The following PSME3 variants were observed in gnomAD, a reference collection of about 807,000 sequenced individuals.
The protein encoded by PSME3 is proteasome activator subunit 3, also known as proteasome activator complex subunit 3.
Under a neutral mutation model 38.3 loss-of-function variants are expected in PSME3, and 7 were observed. The observed-to-expected ratio is 0.18, with a 90% confidence interval of 0.10 to 0.34. The LOEUF is 0.34. Among genes scored for constraint, PSME3 ranks in the 10% least tolerant of loss-of-function variants. The pLI, the probability that PSME3 is intolerant of heterozygous loss-of-function variation, is 1.00. For missense variants in PSME3, 192 were observed against 307.6 expected, an observed-to-expected ratio of 0.62 and a Z score of 2.81; for synonymous variants, 108 against 105.7, an observed-to-expected ratio of 1.02 and a Z score of -0.13.
At chr17:42,834,458 GA>G in intron 2 of PSME3, 56 bp from the exon 3 acceptor site, 1 of 1,608,906 alleles carries the variant, frequency 6.2e-7, no homozygotes, top group Non-Finnish European at 8.5e-7. Flanking sequence ...GAGAGAGAGA[GA>G]GAGAGAGAGA....
intron 1 of PSME3, chr17:42,833,886 G>C: frequency 6.8e-7 from 1 of 1,463,344 alleles, no homozygotes. Flanking sequence ...GAGAGTCCCG[G>C]GGACACCTCC....
Position 42,841,594 on chromosome 17 carries a change from C to A in PSME3, c.*16C>A. ...TCTGTACTGAGGCCAGGGCCAGGGC[C>A]AGGGGACTCTGTGAGTCTGGCTCAA... On this transcript the variant is annotated 3_prime_UTR_variant, in exon 11 of 11. Coordinates refer to ENST00000590720, the MANE Select transcript of PSME3 (RefSeq NM_005789.4). The A allele has an allele frequency of 6.4e-7, 1 of 1,564,882 alleles. No individual in the cohort carries two copies.
intron 10 of PSME3, 44 bp downstream of exon 10, chr17:42,839,424 T>C (rs763418288): frequency 6.8e-7 from 1 of 1,477,090 alleles, no homozygotes; most frequent in Non-Finnish European, 9.4e-7. Flanking sequence ...TGGCTTCTCT[T>C]AGTTCTGTTG....
chr17:42,835,778 T>A (rs1409195185), intron 4 of PSME3, among the ~76,000 whole-genome samples: 1 of 151,962 alleles, frequency 6.6e-6, no homozygotes, highest in Non-Finnish European at 1.5e-5. Flanking sequence ...TTCCCATGGC[T>A]CTGAACAAGA....
intron 10 of PSME3, among the ~76,000 whole-genome samples, chr17:42,841,042 AG>A (rs2055525920): frequency 6.6e-6 from 1 of 151,090 alleles, no homozygotes; most frequent in African/African-American, 2.4e-5. Context: ...CTGAGGCAGG[AG>A]AATGGCATGA....
chr17:42,834,420 C>T (rs2055436966), intron 2 of PSME3, 44 bp downstream of exon 2: 1 of 1,601,106 alleles, frequency 6.2e-7, no homozygotes, highest in Non-Finnish European at 8.5e-7. Flanking sequence ...TGAGAATTTC[C>T]CAAAGAGGAG....
intron 1 of PSME3, 68 bp from the exon 2 acceptor site, chr17:42,834,276 A>T: frequency 3.7e-6 from 6 of 1,611,022 alleles, no homozygotes; most frequent in Non-Finnish European, 5.1e-6. Context: ...AGACAGTTGG[A>T]TTGGGATTCT....
In PSME3 at chr17:42,841,595, A is replaced by AG; in HGVS notation, c.*21dup. 6.4e-7 allele frequency: 1 copy of AG among 1,564,294 alleles called. No homozygotes were observed. The highest frequency in any genetic ancestry group is 8.7e-7 in the Non-Finnish European group (1 of 1,147,404). On this transcript the variant is annotated 3_prime_UTR_variant, in exon 11 of 11. Coordinates refer to ENST00000590720, the MANE Select transcript of PSME3 (RefSeq NM_005789.4). ...CTGTACTGAGGCCAGGGCCAGGGCCAGGGGACTCTGTGAGTCTGGCTCAAG... is the reference window on the plus strand; with the variant it reads ...CTGTACTGAGGCCAGGGCCAGGGCCAGGGGGACTCTGTGAGTCTGGCTCAAG...
Position 42,839,098 on chromosome 17 carries a change from C to T in PSME3, c.543-14C>T, listed in dbSNP as rs769566465. 4 of 1,588,582 alleles carry T rather than the reference C, an allele frequency of 2.5e-6. No individual in the cohort carries two copies. The South Asian group carries it at 3.3e-5, about 13-fold the overall frequency. ...GGGTCTCCTGCATCTTCCTCCTCTT[C>T]TCTCTCTTTCCAGATATTATATTAC... On this transcript the variant is annotated splice_polypyrimidine_tract_variant and intron_variant, in intron 8 of 10. Transcript: ENST00000590720.
At chr17:42,834,721 C>T in intron 3 of PSME3, 51 bp from the exon 4 acceptor site, 1 of 1,607,004 alleles carries the variant, frequency 6.2e-7, no homozygotes, top group South Asian at 1.1e-5. Context: ...AAATCAAATA[C>T]TTCTTTGTTC....
chr17:42,843,516 G>A lies in PSME3; in HGVS notation c.*1938G>A, dbSNP rs914203826. 10 of 152,366 alleles carry A rather than the reference G, an allele frequency of 6.6e-5. No individual in the cohort carries two copies. The highest frequency in any genetic ancestry group is 1.2e-4 in the Non-Finnish European group (8 of 68,060). 9.4% of individuals were successfully genotyped at this position (152,366 alleles called of 1,614,324 possible). ...CTCTCCCTACTTTCAGAAGATCCTA[G>A]TTCCTTCCTTCCCGAGTGATACCCA... On this transcript the variant is annotated 3_prime_UTR_variant, in exon 11 of 11. Coordinates refer to ENST00000590720, the MANE Select transcript of PSME3 (RefSeq NM_005789.4).
At position 42,838,817 on chromosome 17, in the gene PSME3, C is replaced by G. The variant is rs1360600449; in HGVS notation, c.474+18C>G. On this transcript the variant is annotated intron_variant, in intron 7 of 10. Coordinates refer to ENST00000590720, the MANE Select transcript of PSME3 (RefSeq NM_005789.4). Reference sequence around the variant, plus strand: ...CCATTCAGGTAATGTACTTGAATTACATACTGGGAAGAGTGGCTTGGGAGA... The same window carrying G: ...CCATTCAGGTAATGTACTTGAATTAGATACTGGGAAGAGTGGCTTGGGAGA... The G allele has an allele frequency of 6.3e-7, 1 of 1,581,884 alleles. No individual in the cohort carries two copies. Among genetic ancestry groups the G allele is most frequent in the Non-Finnish European group, 8.7e-7 (1 of 1,150,848 alleles).
intron 4 of PSME3, among the ~76,000 whole-genome samples, chr17:42,837,399 G>A (rs567838696): frequency 1.3e-5 from 2 of 151,688 alleles, no homozygotes; most frequent in Non-Finnish European, 1.5e-5. Context: ...TGGCTAGGCT[G>A]GTCTCAAACT....
chr17:42,841,713 A>G lies in PSME3; in HGVS notation c.*135A>G. ...CCTCTCTGTTTTTAGTTAGAGTCTA[A>G]TGAAACTCTCATCTAGTTCTGTGAT... On this transcript the variant is annotated 3_prime_UTR_variant, in exon 11 of 11. Transcript: ENST00000590720. The G allele has an allele frequency of 1.8e-6, 1 of 567,784 alleles. No individual in the cohort carries two copies. Among genetic ancestry groups the G allele is most frequent in the Non-Finnish European group, 3.0e-6 (1 of 333,694 alleles). The allele number at this position is 567,784 out of a possible 1,614,324, so 35.2% of individuals were successfully genotyped here. A position where few individuals can be genotyped will look rare whatever the true frequency, so the allele number is the denominator to read the frequency against.
intron 4 of PSME3, among the ~76,000 whole-genome samples, 163 bp downstream of exon 4, chr17:42,835,039 T>G (rs1236247783): frequency 2.6e-5 from 4 of 152,164 alleles, no homozygotes; most frequent in Non-Finnish European, 5.9e-5. Flanking sequence ...TATTTCTTAT[T>G]TATTTATTTA....
chr17:42,833,433 G>C lies in PSME3; in HGVS notation c.-199G>C. 1 of 626,980 alleles carries C rather than the reference G, an allele frequency of 1.6e-6. No individual in the cohort carries two copies. The highest frequency in any genetic ancestry group is 2.8e-6 in the Non-Finnish European group (1 of 359,214). The allele number at this position is 626,980 out of a possible 1,614,324, so 38.8% of individuals were successfully genotyped here. Reference sequence around the variant, plus strand: ...CGTGAGCGGCGAAAGCCGGGAGGGCGAGCGAGAGAGCAAGCAGGCAGCAGG... The same window carrying C: ...CGTGAGCGGCGAAAGCCGGGAGGGCCAGCGAGAGAGCAAGCAGGCAGCAGG... On this transcript the variant is annotated 5_prime_UTR_variant, in exon 1 of 11. Coordinates refer to ENST00000590720, the MANE Select transcript of PSME3 (RefSeq NM_005789.4).
chr17:42,834,806 T>A lies in PSME3; in HGVS notation c.173T>A (p.Ile58Asn). The A allele has an allele frequency of 3.7e-6, 6 of 1,614,138 alleles. No homozygotes were observed. Among genetic ancestry groups the A allele is most frequent in the Non-Finnish European group, 5.1e-6 (6 of 1,180,018 alleles). The change falls in exon 4 of 11, where the codon ATC (isoleucine) becomes AAC (asparagine). Residue 58 changes from isoleucine (I) to asparagine (N), a missense_variant. Physicochemically the swap from Ile to Asn is moderately radical, Grantham distance 149 (BLOSUM62 -3). Coordinates refer to ENST00000590720, the MANE Select transcript of PSME3 (RefSeq NM_005789.4). ...PILNIHDLTQ[I>N]HSDMNLPVPD... ...TTAAACATCCATGACCTAACTCAGA[T>A]CCACTCTGACATGAATCTCCCAGTC...
At chr17:42,837,207 C>T (rs912488573) in intron 4 of PSME3, among the ~76,000 whole-genome samples, 5 of 152,088 alleles carry the variant, frequency 3.3e-5, no homozygotes, top group East Asian at 1.9e-4. Flanking sequence ...CTTGCCACCA[C>T]GCCCAGCTAA....
At position 42,833,657 on chromosome 17, in the gene PSME3, A is replaced by G; in HGVS notation, c.26A>G (p.Gln9Arg). The G allele has an allele frequency of 5.0e-6, 8 of 1,614,196 alleles. No homozygotes were observed. Among genetic ancestry groups the G allele is most frequent in the Non-Finnish European group, 6.8e-6 (8 of 1,180,016 alleles). The change falls in exon 1 of 11, where the codon CAG (glutamine) becomes CGG (arginine). Residue 9 changes from glutamine (Q) to arginine (R), a missense_variant. Coordinates refer to ENST00000590720, the MANE Select transcript of PSME3 (RefSeq NM_005789.4). ...ATGGCCTCGTTGCTGAAGGTGGATCAGGAAGTGAAGCTCAAGGTAGCGGCA... is the reference window on the plus strand; with the variant it reads ...ATGGCCTCGTTGCTGAAGGTGGATCGGGAAGTGAAGCTCAAGGTAGCGGCA... MASLLKVD[Q>R]EVKLKVDSFR...
Sources: allele counts gnomAD v4.1 joint callset (sites outside exome capture counted in the v4.1 genomes callset), GRCh38; gene constraint gnomAD v4.1.1; transcripts MANE v1.5; gene names NCBI Gene and HGNC (gene_info 2026-07-23, HGNC 2026-07-21).